Variants in SERINC5 observed in about 807,000 individuals in gnomAD.
The protein encoded by SERINC5 is chromosome 5 open reading frame 12.
A neutral mutation model predicts 63.1 loss-of-function variants in SERINC5; 41 were observed. The ratio of observed to expected loss-of-function variants is 0.65; its 90% confidence interval spans 0.51 to 0.84. SERINC5 has a LOEUF of 0.84. Among genes scored for constraint, SERINC5 ranks in the 40% least tolerant of loss-of-function variants. SERINC5 has a pLI of 0.00. For synonymous variants in SERINC5, 222 were observed against 215.2 expected, an observed-to-expected ratio of 1.03 and a Z score of -0.28; for missense variants, 523 against 573.0, an observed-to-expected ratio of 0.91 and a Z score of 0.89.
chr5:80,171,899 A>AGGCTGG (rs1747690883), intron 5 of SERINC5, among the ~76,000 whole-genome samples: 1 of 151,984 alleles, frequency 6.6e-6, no homozygotes, highest in Non-Finnish European at 1.5e-5. Flanking sequence ...AAAAGACAAA[A>AGGCTGG]AAAGAAAGGA....
intron 1 of SERINC5, among the ~76,000 whole-genome samples, chr5:80,212,540 T>G (rs1750479722): frequency 6.6e-6 from 1 of 152,030 alleles, no homozygotes; most frequent in South Asian, 2.1e-4. Context: ...GAGAGCAACA[T>G]TCATTGAAAT....
At chr5:80,238,103 CAAAAAAAAAAAA>C (rs759062486) in intron 1 of SERINC5, among the ~76,000 whole-genome samples, 1 of 65,676 alleles carries the variant, frequency 1.5e-5, no homozygotes, top group Non-Finnish European at 3.0e-5. Context: ...GACTCTGTCT[CAAAAAAAAAAAA>C]AAAAAAAGAA....
At chr5:80,238,103 CAAAAAA>C (rs759062486) in intron 1 of SERINC5, among the ~76,000 whole-genome samples, 9 of 65,668 alleles carry the variant, frequency 1.4e-4, no homozygotes, top group African/African-American at 4.6e-4. Flanking sequence ...GACTCTGTCT[CAAAAAA>C]AAAAAAAAAA....
rs146024531 is a variant in SERINC5, at chr5:80,153,464, T to C, written c.987-2516A>G. Among the ~76,000 whole-genome samples the C allele has an allele frequency of 5.4e-5, 8 of 147,300 alleles. No homozygotes were observed. In the East Asian group the frequency reaches 1.6e-3, roughly 29 times the overall value. ...CCATACAACACTCTTCTTGGAATTA[T>C]CAAGAAAAGGTTTTTTTTTTATAAG... is the stretch of plus-strand genomic sequence containing the variant. On this transcript the variant is annotated intron_variant, in intron 8 of 11. Coordinates refer to ENST00000507668, the MANE Select transcript of SERINC5 (RefSeq NM_001174072.3).
intron 1 of SERINC5, among the ~76,000 whole-genome samples, chr5:80,230,752 C>T (rs986916026): frequency 6.6e-6 from 1 of 152,106 alleles, no homozygotes; most frequent in African/African-American, 2.4e-5. Context: ...GTGGTGAGCA[C>T]AGGGTCCAAA....
chr5:80,245,608 TA>T (rs545427121), intron 1 of SERINC5, among the ~76,000 whole-genome samples: 198 of 121,242 alleles, frequency 1.6e-3, no homozygotes, highest in African/African-American at 6.6e-3. Flanking sequence ...AGTGAATATT[TA>T]TTTTTTTTTA....
At chr5:80,180,962 G>A (rs1360245711) in intron 2 of SERINC5, among the ~76,000 whole-genome samples, 1 of 152,150 alleles carries the variant, frequency 6.6e-6, no homozygotes, top group Non-Finnish European at 1.5e-5. Flanking sequence ...TACACATCTT[G>A]AAAGGTTTAG....
At chr5:80,130,111 G>A (rs562291134) in intron 11 of SERINC5, among the ~76,000 whole-genome samples, 114 of 152,238 alleles carry the variant, frequency 7.5e-4, no homozygotes, top group Non-Finnish European at 1.4e-3. Context: ...CGGACTTGGT[G>A]GCTCATGCCT....
intron 2 of SERINC5, chr5:80,198,721 GCCTCTCTT>G (rs1749652762): frequency 1.0e-6 from 1 of 985,110 alleles, no homozygotes; most frequent in African/African-American, 1.7e-5. Context: ...GATGAGGTCA[GCCTCTCTT>G]CTGTAGGCCA....
chr5:80,175,018 A>T lies in SERINC5; in HGVS notation c.487T>A (p.Phe163Ile), dbSNP rs546493875. The change falls in exon 5 of 12, where the codon TTC (phenylalanine) becomes ATC (isoleucine). Residue 163 changes from phenylalanine to isoleucine, a missense_variant. Transcript: ENST00000507668. ...AGGAGCTGGATGCCAATGAAGAGGA[A>T]GCCTCCGACGGCTCCCACATAGCGC... ...AWRYVGAVGGFLFIGIQLLLL... is the reference protein window; with the variant it reads ...AWRYVGAVGGILFIGIQLLLL... The T allele has an allele frequency of 6.2e-7, 1 of 1,600,996 alleles. No homozygotes were observed. Among genetic ancestry groups the T allele is most frequent in the Non-Finnish European group, 8.5e-7 (1 of 1,173,514 alleles).
At chr5:80,253,291 T>C (rs1752509808) in intron 1 of SERINC5, among the ~76,000 whole-genome samples, 1 of 152,186 alleles carries the variant, frequency 6.6e-6, no homozygotes, top group African/African-American at 2.4e-5. Flanking sequence ...ATTGCCAGGA[T>C]TCGAGCTCCA....
At chr5:80,210,995 T>A (rs536130228) in intron 1 of SERINC5, among the ~76,000 whole-genome samples, 3 of 152,280 alleles carry the variant, frequency 2.0e-5, no homozygotes, top group African/African-American at 7.2e-5. Context: ...GCCACAGGCA[T>A]GGAAAGAGAG....
chr5:80,121,596 C>G (rs575438494), intron 11 of SERINC5, among the ~76,000 whole-genome samples: 31 of 152,200 alleles, frequency 2.0e-4, no homozygotes, highest in African/African-American at 7.0e-4. Flanking sequence ...TTACAACTAA[C>G]CTATAGTCAG....
In SERINC5 at chr5:80,140,289, AGAGT is replaced by A; in HGVS notation, c.*3370_*3373del. On this transcript the variant is annotated 3_prime_UTR_variant, in exon 12 of 12. Transcript: ENST00000507668. ...GTCACTGCACTCCAGCGTGGCTGAC[AGAGT>A]GAGCCCGTCTCCAAAAAAAAAAAAA... The A allele has an allele frequency of 1.1e-6, 1 of 930,174 alleles. No individual in the cohort carries two copies. Among genetic ancestry groups the A allele is most frequent in the Non-Finnish European group, 1.2e-6 (1 of 802,124 alleles). The allele number at this position is 930,174 out of a possible 1,614,324, so 57.6% of individuals were successfully genotyped here.
chr5:80,248,895 C>G (rs748192810), intron 1 of SERINC5, among the ~76,000 whole-genome samples: 1 of 152,192 alleles, frequency 6.6e-6, no homozygotes, highest in Non-Finnish European at 1.5e-5. Flanking sequence ...ATGATGCCAT[C>G]TAACAGAGAT....
Position 80,142,004 on chromosome 5 carries a change from T to C in SERINC5, c.*1659A>G. On this transcript the variant is annotated 3_prime_UTR_variant, in exon 12 of 12. Transcript: ENST00000507668. The stretch of plus-strand genomic sequence containing the variant: ...ATTTCACTAATTTCACCCACCAGCA[T>C]TTTGGCACACAGAAGCCCAGCTTAG... 1 of 985,396 alleles carries C rather than the reference T, an allele frequency of 1.0e-6. No individual in the cohort carries two copies. The highest frequency in any genetic ancestry group is 1.2e-6 in the Non-Finnish European group (1 of 829,918). 61.0% of individuals were successfully genotyped at this position (985,396 alleles called of 1,614,324 possible).
intron 1 of SERINC5, among the ~76,000 whole-genome samples, chr5:80,246,490 A>G (rs1752174800): frequency 6.6e-6 from 1 of 152,186 alleles, no homozygotes; most frequent in Non-Finnish European, 1.5e-5. Context: ...CACAGTTTTC[A>G]TGAGAGAGTG....
chr5:80,203,209 AGCCTGGTCAACACAGCAAGAACC>A, intron 1 of SERINC5, 156 bp from the exon 2 acceptor site: 1 of 674,486 alleles, frequency 1.5e-6, no homozygotes, highest in South Asian at 1.6e-5. Flanking sequence ...GTTCAAGTTT[AGCCTGGTCAACACAGCAAGAACC>A]TGTCTCTAAA....
downstream of SERINC5, among the ~76,000 whole-genome samples, chr5:80,134,940 A>G (rs1255677556): frequency 1.3e-5 from 2 of 152,270 alleles, no homozygotes; most frequent in Non-Finnish European, 2.9e-5. Flanking sequence ...TGTTTTTAAG[A>G]GAACTGAACT....
Sources: allele counts gnomAD v4.1 joint callset (sites outside exome capture counted in the v4.1 genomes callset), GRCh38; gene constraint gnomAD v4.1.1; transcripts MANE v1.5; gene names NCBI Gene and HGNC (gene_info 2026-07-23, HGNC 2026-07-21).